Variants in ABI3BP observed in about 807,000 individuals in gnomAD.
ABI3BP encodes the protein ABI family member 3 binding protein, also known as target of Nesh-SH3.
In ABI3BP, 216 loss-of-function variants were observed where a neutral mutation model predicts 268.6. That is an observed-to-expected ratio of 0.80 (90% CI 0.72 to 0.90). ABI3BP has a LOEUF of 0.90. ABI3BP is among the 40% of genes least tolerant of loss of function. ABI3BP has a pLI of 0.00. For synonymous variants in ABI3BP, 730 were observed against 730.0 expected, an observed-to-expected ratio of 1.00 and a Z score of 0.00; for missense variants, 2,090 against 2,182.4, an observed-to-expected ratio of 0.96 and a Z score of 0.84.
At chr3:100,793,978 T>C (rs1345093667) in intron 54 of ABI3BP, among the ~76,000 whole-genome samples, 1 of 152,038 alleles carries the variant, frequency 6.6e-6, no homozygotes, top group Admixed American at 6.6e-5. Context: ...CCCATCCTTG[T>C]TTCTCCAGGC....
chr3:100,860,618 T>C (rs556096629), intron 14 of ABI3BP, among the ~76,000 whole-genome samples: 1 of 152,222 alleles, frequency 6.6e-6, no homozygotes, highest in South Asian at 2.1e-4. Flanking sequence ...CACTCCCCAA[T>C]GCTTGGTTCA....
At chr3:100,816,068 C>T in intron 43 of ABI3BP, 97 bp from the exon 44 acceptor site, 11 of 967,208 alleles carry the variant, frequency 1.1e-5, no homozygotes, top group Non-Finnish European at 1.6e-5. Context: ...AAATGATACA[C>T]AATTTTTTAA....
intron 4 of ABI3BP, among the ~76,000 whole-genome samples, chr3:100,895,175 T>A (rs548763242): frequency 6.6e-6 from 1 of 152,066 alleles, no homozygotes; most frequent in Non-Finnish European, 1.5e-5. Flanking sequence ...CAGGGCCAAT[T>A]TGAAAGCTTT....
intron 42 of ABI3BP, among the ~76,000 whole-genome samples, 200 bp from the exon 43 acceptor site, chr3:100,816,968 A>C (rs928496549): frequency 1.3e-5 from 2 of 152,200 alleles, no homozygotes; most frequent in African/African-American, 4.8e-5. Flanking sequence ...TTGAAAAGTG[A>C]AGAGACTCAT....
chr3:100,915,941 T>TA (rs2058475001), intron 2 of ABI3BP, among the ~76,000 whole-genome samples: 1 of 152,238 alleles, frequency 6.6e-6, no homozygotes, highest in Non-Finnish European at 1.5e-5. Context: ...CACAAATGTT[T>TA]AAAAACTATT....
intron 2 of ABI3BP, 58 bp from the exon 3 acceptor site, chr3:100,902,744 G>T: frequency 7.1e-7 from 1 of 1,402,454 alleles, no homozygotes; most frequent in Non-Finnish European, 1.0e-6. Context: ...ATTGGAGGCA[G>T]CACACCCCTA....
intron 63 of ABI3BP, among the ~76,000 whole-genome samples, chr3:100,757,258 C>A (rs1383754433): frequency 6.6e-6 from 1 of 152,046 alleles, no homozygotes; most frequent in Non-Finnish European, 1.5e-5. Context: ...ATAAATTTCC[C>A]AGTACTGAAA....
At position 100,751,621 on chromosome 3, in the gene ABI3BP, A is replaced by G. The variant is rs1213665471; in HGVS notation, c.5176T>C (p.Phe1726Leu). The change falls in exon 67 of 68, where the codon TTT (phenylalanine) becomes CTT (leucine). Residue 1726 changes from phenylalanine (F) to leucine (L), a missense_variant. Phe to Leu is a conservative substitution (Grantham distance 22). Transcript: ENST00000471714. ...CGTCCATCTAAAAATGAATCCACAA[A>G]CTGGCAGTGATCTTCTCCATGGCCC... is the stretch of plus-strand genomic sequence containing the variant. ...QRGHGEDHCQ[F>L]VDSFLDGRTG... 1.2e-6 allele frequency: 2 copies of G among 1,603,126 alleles called. No individual in the cohort carries two copies. The highest frequency in any genetic ancestry group is 1.7e-6 in the Non-Finnish European group (2 of 1,174,120).
chr3:100,981,457 G>A (rs1301491951), intron 1 of ABI3BP, among the ~76,000 whole-genome samples: 1 of 152,078 alleles, frequency 6.6e-6, no homozygotes, highest in African/African-American at 2.4e-5. Flanking sequence ...GTTTAGGAAA[G>A]AGAATGATTG....
chr3:100,881,056 T>G (rs2038980374), intron 6 of ABI3BP, among the ~76,000 whole-genome samples: 1 of 152,178 alleles, frequency 6.6e-6, no homozygotes, highest in African/African-American at 2.4e-5. Context: ...CTAATGAAAG[T>G]TACAAAACAT....
At chr3:100,926,506 A>G in intron 1 of ABI3BP, 25 bp from the exon 2 acceptor site, 1 of 1,602,450 alleles carries the variant, frequency 6.2e-7, no homozygotes, top group Admixed American at 1.7e-5. Flanking sequence ...GAAAACATCG[A>G]TGGCTGTTAC....
At chr3:100,974,284 T>G (rs1198663520) in intron 1 of ABI3BP, among the ~76,000 whole-genome samples, 1 of 152,180 alleles carries the variant, frequency 6.6e-6, no homozygotes, top group Non-Finnish European at 1.5e-5. Context: ...AAAATGTGTG[T>G]TCACACAAAG....
intron 42 of ABI3BP, 103 bp downstream of exon 42, chr3:100,817,333 C>A (rs756775411): frequency 2.6e-6 from 2 of 767,920 alleles, no homozygotes; most frequent in Non-Finnish European, 4.0e-6. Context: ...CAGAAGATGA[C>A]AAGATAGTCC....
chr3:100,931,162 C>T (rs987616980), intron 1 of ABI3BP, among the ~76,000 whole-genome samples: 1 of 152,046 alleles, frequency 6.6e-6, no homozygotes, highest in Non-Finnish European at 1.5e-5. Context: ...TAAAAATCCT[C>T]AACAAACTAG....
intron 4 of ABI3BP, among the ~76,000 whole-genome samples, chr3:100,897,707 A>C (rs2048376355): frequency 6.6e-6 from 1 of 152,244 alleles, no homozygotes; most frequent in Non-Finnish European, 1.5e-5. Flanking sequence ...GGTATTGGAT[A>C]CATGGTTATA....
rs150482776 is a variant in ABI3BP, at chr3:100,799,927, C to T, written c.3758-3459G>A. Among the ~76,000 whole-genome samples the T allele has an allele frequency of 5.4e-3, 824 of 152,264 alleles. 10 individuals carry two copies. The highest frequency in any genetic ancestry group is 0.019 in the African/African-American group (787 of 41,534). On this transcript the variant is annotated intron_variant, in intron 51 of 67. Transcript: ENST00000471714. ...AGTTAGGGTCTTCCCACTCAAAGTC[C>T]TACTGGTCCTGCAAGGCTAGCATGT...
chr3:100,988,272 G>A (rs977087698), intron 1 of ABI3BP, among the ~76,000 whole-genome samples: 12 of 152,166 alleles, frequency 7.9e-5, no homozygotes, highest in South Asian at 2.1e-4. Context: ...GTGAGCAGCT[G>A]GAAAGTTGAC....
At position 100,813,691 on chromosome 3, in the gene ABI3BP, G is replaced by T. The variant is rs1334517797; in HGVS notation, c.3334C>A (p.Pro1112Thr). Residue 1112 changes from proline (P) to threonine (T), a missense_variant, in exon 45 of 68, where the codon CCA becomes ACA. By Grantham distance (38) the Pro-to-Thr change is conservative. Transcript: ENST00000471714. ...TGACTTTCTGTCATTTCTAGGCTTGGTGATGTCACTGGTTTCAAAATAAGA... is the reference window on the plus strand; with the variant it reads ...TGACTTTCTGTCATTTCTAGGCTTGTTGATGTCACTGGTTTCAAAATAAGA... ...QTLILKPVTSPSLEMTESQPV... is the reference protein window; with the variant it reads ...QTLILKPVTSTSLEMTESQPV... The T allele has an allele frequency of 1.2e-5, 18 of 1,535,380 alleles. No individual in the cohort carries two copies. In the Admixed American group the frequency reaches 3.3e-4, roughly 28 times the overall value.
At chr3:100,817,603 T>G (rs893803581) in intron 41 of ABI3BP, 108 bp from the exon 42 acceptor site, 2 of 809,328 alleles carry the variant, frequency 2.5e-6, no homozygotes, top group Non-Finnish European at 1.8e-6. Flanking sequence ...TTTTGCAGAT[T>G]TGGCCAAACC....
Sources: gnomAD v4.1 joint callset for allele counts (sites outside exome capture counted in the v4.1 genomes callset) on GRCh38, gnomAD v4.1.1 for gene constraint, MANE v1.5 for transcripts, NCBI Gene and HGNC (gene_info 2026-07-23, HGNC 2026-07-21) for gene names.